Variants in SHB observed in about 807,000 individuals in gnomAD.
The protein encoded by SHB is SH2 domain containing adaptor protein B.
In SHB, 20 loss-of-function variants were observed where a neutral mutation model predicts 52.3. The observed-to-expected ratio is 0.38, with a 90% CI of 0.27 to 0.56. The LOEUF is 0.56. SHB is among the 20% of genes least tolerant of loss of function. The pLI, the probability that SHB is intolerant of heterozygous loss-of-function variation, is 0.71. For synonymous variants in SHB, 397 were observed against 316.5 expected (o/e 1.25, Z -2.70); for missense variants, 825 against 723.3 (o/e 1.14, Z -1.61).
intron 4 of SHB, among the ~76,000 whole-genome samples, chr9:37,949,440 G>C (rs1832537957): frequency 6.8e-6 from 1 of 146,338 alleles, no homozygotes; most frequent in African/African-American, 2.5e-5. Flanking sequence ...GGAAAAAAAA[G>C]AAGAAAGAAA....
At chr9:37,988,023 A>G (rs1820832718) in intron 2 of SHB, among the ~76,000 whole-genome samples, 1 of 152,140 alleles carries the variant, frequency 6.6e-6, no homozygotes, top group African/African-American at 2.4e-5. Flanking sequence ...CCACCTGTAT[A>G]CCTGGGGCGT....
At chr9:38,027,770 A>C (rs1232502718) in intron 1 of SHB, among the ~76,000 whole-genome samples, 1 of 151,868 alleles carries the variant, frequency 6.6e-6, no homozygotes, top group Non-Finnish European at 1.5e-5. Context: ...GGCTGTTCCC[A>C]TTCCTATGTT....
chr9:37,938,985 C>G (rs2117862248), intron 5 of SHB, among the ~76,000 whole-genome samples: 1 of 152,296 alleles, frequency 6.6e-6, no homozygotes. Flanking sequence ...ATCCACCCAG[C>G]TGCTCCGAAA....
chr9:38,014,216 A>G (rs1159679496), intron 2 of SHB, among the ~76,000 whole-genome samples: 1 of 151,916 alleles, frequency 6.6e-6, no homozygotes, highest in Admixed American at 6.6e-5. Context: ...GATGACCTCA[A>G]TGATCCCTCC....
At chr9:38,053,784 A>C (rs564631379) in intron 1 of SHB, among the ~76,000 whole-genome samples, 1 of 152,198 alleles carries the variant, frequency 6.6e-6, no homozygotes, top group Admixed American at 6.5e-5. Context: ...CAAGACACAC[A>C]GGCCAAAATA....
chr9:37,957,238 C>T (rs1165702939), intron 3 of SHB, among the ~76,000 whole-genome samples: 3 of 152,214 alleles, frequency 2.0e-5, no homozygotes, highest in African/African-American at 7.2e-5. Context: ...AGGCATAAAC[C>T]TCTCCTCTAA....
intron 1 of SHB, among the ~76,000 whole-genome samples, chr9:38,055,979 G>C (rs901985300): frequency 6.6e-6 from 1 of 152,168 alleles, no homozygotes; most frequent in African/African-American, 2.4e-5. Flanking sequence ...TGAAGCCCTA[G>C]TTAATACCTA....
At chr9:38,026,508 C>T (rs1399405719) in intron 1 of SHB, among the ~76,000 whole-genome samples, 3 of 152,246 alleles carry the variant, frequency 2.0e-5, no homozygotes. Context: ...ACAAGCAGCA[C>T]TAAACAGCTG....
Position 38,068,052 on chromosome 9 carries a change from G to C in SHB, c.594C>G (p.Asp198Glu), listed in dbSNP as rs376412419. Residue 198 changes from aspartate to glutamate, a missense_variant, in exon 1 of 6, where the codon GAC (aspartate) becomes GAG (glutamate). Physicochemically the swap from Asp to Glu is conservative, Grantham distance 45. Coordinates refer to ENST00000377707, the MANE Select transcript of SHB (RefSeq NM_003028.3). ...CGCCCGCGCAGGCGCCCCCCAGGGG[G>C]TCCCCGGCCCCACCGCCCGCGGCGC... ...VESAAGGGAGDPLGGACAGGR... is the reference protein window; with the variant it reads ...VESAAGGGAGEPLGGACAGGR... The C allele has an allele frequency of 1.1e-5, 17 of 1,495,590 alleles. No individual in the cohort carries two copies. The Admixed American group carries it at 3.5e-4, about 31-fold the overall frequency. 92.6% of individuals were successfully genotyped at this position (1,495,590 alleles called of 1,614,324 possible).
intron 1 of SHB, among the ~76,000 whole-genome samples, chr9:38,017,256 C>A (rs1003589059): frequency 1.8e-4 from 27 of 152,180 alleles, no homozygotes; most frequent in Non-Finnish European, 1.9e-4. Context: ...CAGTGCCACC[C>A]GGCTGCTTCT....
At chr9:38,058,416 C>T (rs1821847399) in intron 1 of SHB, among the ~76,000 whole-genome samples, 1 of 152,188 alleles carries the variant, frequency 6.6e-6, no homozygotes, top group African/African-American at 2.4e-5. Flanking sequence ...GGCTCTTCTC[C>T]CTCATCTCTG....
At chr9:37,922,023 G>A (rs1832186908) in intron 5 of SHB, among the ~76,000 whole-genome samples, 1 of 152,246 alleles carries the variant, frequency 6.6e-6, no homozygotes, top group Admixed American at 6.5e-5. Context: ...GCAGGGAGGA[G>A]GGTATGACCC....
chr9:37,930,008 G>A (rs1832295235), intron 5 of SHB, among the ~76,000 whole-genome samples: 1 of 152,158 alleles, frequency 6.6e-6, no homozygotes, highest in Non-Finnish European at 1.5e-5. Context: ...AGGCTGAGGT[G>A]GGAGGATTGC....
At chr9:38,043,895 A>G in intron 1 of SHB, among the ~76,000 whole-genome samples, 1 of 152,082 alleles carries the variant, frequency 6.6e-6, no homozygotes, top group East Asian at 1.9e-4. Context: ...GTCTCAAAAA[A>G]AAAAAAAAAT....
rs1460521573 is a variant in SHB at position 37,947,265 on chromosome 9, T to C, written c.1346+1370A>G. ...GGCTAGAAGTTCCCTCTGCATCCTC[T>C]CTGGTTTAGGCAGTGGTCCAGCCTT... On this transcript the variant is annotated intron_variant, in intron 5 of 5. Transcript: ENST00000377707. Among the ~76,000 whole-genome samples, 10 of 152,302 alleles carry C rather than the reference T, an allele frequency of 6.6e-5. No homozygotes were observed. The South Asian group carries it at 8.3e-4, about 13-fold the overall frequency.
At chr9:37,972,631 G>A (rs1317846966) in intron 3 of SHB, among the ~76,000 whole-genome samples, 1 of 152,184 alleles carries the variant, frequency 6.6e-6, no homozygotes, top group Non-Finnish European at 1.5e-5. Context: ...TGTGTACCAG[G>A]GAGGGCTTGG....
At chr9:38,066,603 G>A (rs542888918) in intron 1 of SHB, among the ~76,000 whole-genome samples, 6 of 152,304 alleles carry the variant, frequency 3.9e-5, no homozygotes, top group African/African-American at 1.2e-4. Flanking sequence ...CCAAGCTTCC[G>A]AGGGGTGCCC....
At chr9:38,022,378 C>T (rs1287833742) in intron 1 of SHB, among the ~76,000 whole-genome samples, 2 of 152,194 alleles carry the variant, frequency 1.3e-5, no homozygotes, top group East Asian at 3.9e-4. Flanking sequence ...ATTCACCTGG[C>T]TAAAAATGCG....
chr9:38,033,641 A>G (rs1361326967), intron 1 of SHB, among the ~76,000 whole-genome samples: 1 of 152,200 alleles, frequency 6.6e-6, no homozygotes, highest in Non-Finnish European at 1.5e-5. Context: ...TGTTATGCCC[A>G]TCCTCTGATC....
Sources: gnomAD v4.1 joint callset for allele counts (sites outside exome capture counted in the v4.1 genomes callset) on GRCh38, gnomAD v4.1.1 for gene constraint, MANE v1.5 for transcripts, NCBI Gene and HGNC (gene_info 2026-07-23, HGNC 2026-07-21) for gene names.